The following PDE4D variants were observed in gnomAD, a reference collection of about 807,000 sequenced individuals.
PDE4D encodes the protein phosphodiesterase 4D.
PDE4D carries 24 observed loss-of-function variants against 87.4 expected under a neutral mutation model. The ratio of observed to expected loss-of-function variants is 0.27; its 90% confidence interval spans 0.20 to 0.39. PDE4D has a LOEUF of 0.39. Among genes scored for constraint, PDE4D ranks in the 10% least tolerant of loss-of-function variants. The pLI is 1.00. For missense variants in PDE4D, 714 were observed against 1,041.0 expected (o/e 0.69, Z 4.32); for synonymous variants, 384 against 383.2 (o/e 1.00, Z -0.02).
intron 1 of PDE4D, among the ~76,000 whole-genome samples, chr5:60,237,427 A>G (rs1013846961): frequency 2.6e-5 from 4 of 152,060 alleles, no homozygotes; most frequent in Admixed American, 2.6e-4. Flanking sequence ...ACTCAGCAAT[A>G]AAAAGGAATG....
chr5:59,624,074 T>C (rs76571453), intron 1 of PDE4D, among the ~76,000 whole-genome samples: 1,965 of 152,338 alleles, frequency 0.013, 32 homozygotes, highest in East Asian at 0.042. Flanking sequence ...GATAGAAGCC[T>C]TCTTACATGT....
rs541481876 is a variant in PDE4D, at chr5:59,397,431, C to A, written c.456-181463G>T. Reference sequence around the variant, plus strand: ...AGAACTCAGGATTAAGAATCTCACTCAAAACCGCTCAACTACATGGAAACC... The same window carrying A: ...AGAACTCAGGATTAAGAATCTCACTAAAAACCGCTCAACTACATGGAAACC... On this transcript the variant is annotated intron_variant, in intron 1 of 14. Coordinates refer to ENST00000340635, the MANE Select transcript of PDE4D (RefSeq NM_001104631.2). 4.2e-5 allele frequency among the ~76,000 whole-genome samples: 5 copies of A among 119,128 alleles called. 1 individual carries two copies. The East Asian group carries it at 1.3e-3, about 32-fold the overall frequency. 78.2% of individuals were successfully genotyped at this position (119,128 alleles called of 152,430 possible).
intron 5 of PDE4D, among the ~76,000 whole-genome samples, chr5:59,120,728 G>A (rs1446985012): frequency 1.3e-5 from 2 of 151,790 alleles, no homozygotes; most frequent in African/African-American, 4.8e-5. Context: ...AAGCAATCCT[G>A]AGCAAAAAGA....
At chr5:59,539,741 A>G (rs949495410) in intron 1 of PDE4D, among the ~76,000 whole-genome samples, 23 of 152,268 alleles carry the variant, frequency 1.5e-4, no homozygotes, top group African/African-American at 4.8e-4. Flanking sequence ...TTAATTTTTC[A>G]AAAATAACAA....
intron 3 of PDE4D, among the ~76,000 whole-genome samples, chr5:59,915,286 A>G (rs1404356572): frequency 6.6e-6 from 1 of 152,210 alleles, no homozygotes; most frequent in Non-Finnish European, 1.5e-5. Flanking sequence ...TGAATTGGAC[A>G]AATTAGAAGG....
chr5:59,710,698 C>T (rs187826545), intron 1 of PDE4D, among the ~76,000 whole-genome samples: 2 of 152,212 alleles, frequency 1.3e-5, no homozygotes, highest in East Asian at 3.9e-4. Context: ...GAAAAATACT[C>T]CATTGGTGTA....
intron 1 of PDE4D, among the ~76,000 whole-genome samples, chr5:60,426,760 CCAAA>C (rs1305206443): frequency 4.6e-5 from 7 of 151,992 alleles, no homozygotes; most frequent in Non-Finnish European, 7.4e-5. Context: ...CCAGATATGT[CCAAA>C]CAAAGAATCT....
chr5:59,781,631 C>T (rs988038618), intron 1 of PDE4D, among the ~76,000 whole-genome samples: 1 of 151,426 alleles, frequency 6.6e-6, no homozygotes, highest in African/African-American at 2.4e-5. Flanking sequence ...ACTAAAAATG[C>T]AAATATTAGC....
intron 5 of PDE4D, chr5:59,165,184 T>A (rs565704307): frequency 1.3e-5 from 2 of 152,358 alleles, no homozygotes; most frequent in Non-Finnish European, 2.9e-5. Context: ...AGGAATATAC[T>A]TTGTATCCCT....
intron 5 of PDE4D, among the ~76,000 whole-genome samples, chr5:59,163,043 G>A (rs747572815): frequency 2.0e-5 from 3 of 148,794 alleles, no homozygotes; most frequent in East Asian, 2.0e-4. Context: ...AGCCATTTTC[G>A]TGCCTCAGCT....
At chr5:60,011,175 T>C (rs1228816699) in intron 2 of PDE4D, among the ~76,000 whole-genome samples, 4 of 152,162 alleles carry the variant, frequency 2.6e-5, no homozygotes, top group Non-Finnish European at 4.4e-5. Flanking sequence ...TCATTTTTCA[T>C]AGAGAATTTC....
At chr5:59,844,081 C>T (rs949651153) in intron 1 of PDE4D, among the ~76,000 whole-genome samples, 2 of 152,064 alleles carry the variant, frequency 1.3e-5, no homozygotes, top group Admixed American at 6.6e-5. Context: ...ACAGATCATG[C>T]GCAGCTAATT....
chr5:60,418,799 G>T (rs546378275), intron 1 of PDE4D, among the ~76,000 whole-genome samples: 23 of 152,052 alleles, frequency 1.5e-4, no homozygotes, highest in Middle Eastern at 3.2e-3. Context: ...TCACCCTGTT[G>T]TGCTATCAAA....
At chr5:59,191,380 TTAAA>T (rs1320532814) in intron 3 of PDE4D, among the ~76,000 whole-genome samples, 1 of 151,766 alleles carries the variant, frequency 6.6e-6, no homozygotes, top group Non-Finnish European at 1.5e-5. Flanking sequence ...TCATTTGTTA[TTAAA>T]TATTTATATA....
chr5:60,184,824 A>T (rs562386735), intron 2 of PDE4D, among the ~76,000 whole-genome samples: 1 of 152,218 alleles, frequency 6.6e-6, no homozygotes, highest in Non-Finnish European at 1.5e-5. Context: ...CGTCACAAGT[A>T]CATCTGTTTG....
At chr5:59,399,952 C>G (rs1460351523) in intron 1 of PDE4D, among the ~76,000 whole-genome samples, 2 of 115,240 alleles carry the variant, frequency 1.7e-5, no homozygotes, top group African/African-American at 7.2e-5. Context: ...CAAAAGAAGA[C>G]ATTTATGCAG....
intron 1 of PDE4D, among the ~76,000 whole-genome samples, chr5:59,230,260 A>AT (rs1754872835): frequency 6.6e-6 from 1 of 151,064 alleles, no homozygotes; most frequent in African/African-American, 2.4e-5. Context: ...GCACGTGTTT[A>AT]TTTTTCCCAG....
intron 1 of PDE4D, among the ~76,000 whole-genome samples, chr5:59,417,423 T>A (rs1414701338): frequency 1.3e-5 from 2 of 152,136 alleles, no homozygotes; most frequent in Non-Finnish European, 2.9e-5. Context: ...AAAATGGTTT[T>A]CAGAACTACT....
chr5:59,230,426 A>C (rs67526430), intron 1 of PDE4D, among the ~76,000 whole-genome samples: 39,623 of 152,044 alleles, frequency 0.26, 5,702 homozygotes, highest in Admixed American at 0.39. Flanking sequence ...TGTGATCCTC[A>C]ATCACATTCC....
Sources: allele counts gnomAD v4.1 joint callset (sites outside exome capture counted in the v4.1 genomes callset), GRCh38; gene constraint gnomAD v4.1.1; transcripts MANE v1.5; gene names NCBI Gene and HGNC (gene_info 2026-07-23, HGNC 2026-07-21).